Variants in PSMD3 observed in about 807,000 individuals in gnomAD.
The protein encoded by PSMD3 is proteasome 26S subunit, non-ATPase 3, also known as 26S proteasome non-ATPase regulatory subunit 3.
Under a neutral mutation model 62.8 loss-of-function variants are expected in PSMD3, and 5 were observed. The observed-to-expected ratio is 0.08, with a 90% confidence interval of 0.04 to 0.17. The LOEUF is 0.17. Ranked by LOEUF, PSMD3 falls within the 10% of genes least tolerant of loss-of-function variation. The pLI, the probability that PSMD3 is intolerant of heterozygous loss-of-function variation, is 1.00. For synonymous variants in PSMD3, 265 were observed against 283.9 expected, an observed-to-expected ratio of 0.93 and a Z score of 0.67; for missense variants, 524 against 713.6, an observed-to-expected ratio of 0.73 and a Z score of 3.03.
rs993184620 is a variant in PSMD3 at position 39,981,093 on chromosome 17, A to G, written c.123A>G (p.Ala41=). Residue 41 remains alanine (A), a synonymous_variant, in exon 1 of 12, where the codon GCA becomes GCG. Transcript: ENST00000264639. ...APQDVEMKEE[A]ATGGGSTGEA... is the part of the protein sequence containing the mutation. The stretch of plus-strand genomic sequence containing the variant: ...AGGATGTGGAGATGAAAGAGGAGGC[A>G]GCGACGGGTGGCGGGTCGACGGGGG... 20 of 1,550,556 alleles carry G rather than the reference A, an allele frequency of 1.3e-5. No individual in the cohort carries two copies. Among genetic ancestry groups the G allele is most frequent in the African/African-American group, 2.7e-5 (2 of 73,038 alleles).
At chr17:39,989,661 T>G in intron 4 of PSMD3, 78 bp from the exon 5 acceptor site, 1 of 1,367,532 alleles carries the variant, frequency 7.3e-7, no homozygotes, top group Non-Finnish European at 1.0e-6. Context: ...TTTAAGGAAT[T>G]GAGAAAGAGC....
At position 39,988,755 on chromosome 17, in the gene PSMD3, G is replaced by A. The variant is rs752964262; in HGVS notation, c.622G>A (p.Ala208Thr). 13 of 1,613,954 alleles carry A rather than the reference G, an allele frequency of 8.1e-6. No individual in the cohort carries two copies. Among genetic ancestry groups the A allele is most frequent in the Non-Finnish European group, 1.1e-5 (13 of 1,179,984 alleles). Reference sequence around the variant, plus strand: ...CCGCCGGGCCCTAGACCTTGTAGCCGCAAAGTGTTACTATTATCACGCCCG... The same window carrying A: ...CCGCCGGGCCCTAGACCTTGTAGCCACAAAGTGTTACTATTATCACGCCCG... ...QNRRALDLVA[A>T]KCYYYHARVY... is the part of the protein sequence containing the mutation. The change falls in exon 4 of 12, where the codon GCA becomes ACA. Residue 208 changes from alanine (A) to threonine (T), a missense_variant. Coordinates refer to ENST00000264639, the MANE Select transcript of PSMD3 (RefSeq NM_002809.4).
At chr17:39,992,190 A>G (rs1296184552) in intron 6 of PSMD3, among the ~76,000 whole-genome samples, 2 of 152,200 alleles carry the variant, frequency 1.3e-5, no homozygotes, top group Non-Finnish European at 2.9e-5. Context: ...AATACTAGTA[A>G]TTAACATATA....
chr17:39,983,190 G>T (rs1980429252), intron 1 of PSMD3, among the ~76,000 whole-genome samples: 1 of 151,912 alleles, frequency 6.6e-6, no homozygotes, highest in South Asian at 2.1e-4. Context: ...CCACCACCAC[G>T]CCCGGCTAAT....
At chr17:39,991,321 A>AT (rs1389289681) in intron 6 of PSMD3, among the ~76,000 whole-genome samples, 1 of 151,898 alleles carries the variant, frequency 6.6e-6, no homozygotes, top group East Asian at 1.9e-4. Flanking sequence ...CGCCCAGCTA[A>AT]TTTTTTGTAT....
Position 39,980,878 on chromosome 17 carries a change from T to C in PSMD3, c.-93T>C, listed in dbSNP as rs1034269397. ...GCGGCCCGACGCTATCTCGCGCTCGTGTGCAGGCCCGGCTCGGCTCCTGGT... is the reference window on the plus strand; with the variant it reads ...GCGGCCCGACGCTATCTCGCGCTCGCGTGCAGGCCCGGCTCGGCTCCTGGT... On this transcript the variant is annotated 5_prime_UTR_variant, in exon 1 of 12. Transcript: ENST00000264639. 8.7e-6 allele frequency: 10 copies of C among 1,144,450 alleles called. No individual in the cohort carries two copies. The highest frequency in any genetic ancestry group is 6.2e-5 in the Admixed American group (2 of 32,406). 70.9% of individuals were successfully genotyped at this position (1,144,450 alleles called of 1,614,324 possible). A position where few individuals can be genotyped will look rare whatever the true frequency, so the allele number is the denominator to read the frequency against.
At chr17:39,997,243 C>T (rs1980805249) in intron 10 of PSMD3, 87 bp from the exon 11 acceptor site, 18 of 1,330,384 alleles carry the variant, frequency 1.4e-5, no homozygotes, top group Non-Finnish European at 1.8e-5. Flanking sequence ...GTGTCTAGCT[C>T]ACAGAGGGGA....
Position 39,981,115 on chromosome 17 carries a change from G to C in PSMD3, c.145G>C (p.Gly49Arg), listed in dbSNP as rs1465903710. 1 of 1,550,738 alleles carries C rather than the reference G, an allele frequency of 6.4e-7. No homozygotes were observed. The highest frequency in any genetic ancestry group is 8.7e-7 in the Non-Finnish European group (1 of 1,146,672). Reference protein sequence around the residue: ...EEAATGGGSTGEADGKTAAAA... With the variant: ...EEAATGGGSTREADGKTAAAA... ...GGCAGCGACGGGTGGCGGGTCGACG[G>C]GGGAGGCAGACGGCAAGACGGCGGC... Residue 49 changes from glycine (G) to arginine (R), a missense_variant, in exon 1 of 12, where the codon GGG becomes CGG. Coordinates refer to ENST00000264639, the MANE Select transcript of PSMD3 (RefSeq NM_002809.4).
chr17:39,984,547 G>T, intron 2 of PSMD3, 63 bp downstream of exon 2: 1 of 1,451,124 alleles, frequency 6.9e-7, no homozygotes, highest in Non-Finnish European at 9.4e-7. Flanking sequence ...GAACAGCATT[G>T]TTTTCCATCC....
At chr17:39,984,673 CA>C (rs1980479116) in intron 2 of PSMD3, among the ~76,000 whole-genome samples, 189 bp downstream of exon 2, 1 of 152,152 alleles carries the variant, frequency 6.6e-6, no homozygotes, top group African/African-American at 2.4e-5. Context: ...TGTCATTCTT[CA>C]AAGTCAGGGG....
rs1373404057 is a variant in PSMD3, at chr17:39,981,106, G to T, written c.136G>T (p.Gly46Trp). The change falls in exon 1 of 12, where the codon GGG (glycine) becomes TGG (tryptophan). Residue 46 changes from glycine to tryptophan, a missense_variant. Gly to Trp is a radical substitution (Grantham distance 184). Transcript: ENST00000264639. ...EMKEEAATGG[G>W]STGEADGKTA... ...GAAAGAGGAGGCAGCGACGGGTGGC[G>T]GGTCGACGGGGGAGGCAGACGGCAA... 6.4e-7 allele frequency: 1 copy of T among 1,550,678 alleles called. No individual in the cohort carries two copies. Among genetic ancestry groups the T allele is most frequent in the Non-Finnish European group, 8.7e-7 (1 of 1,146,686 alleles).
Position 39,997,941 on chromosome 17 carries a change from T to C in PSMD3, c.*360T>C, listed in dbSNP as rs896401653. On this transcript the variant is annotated 3_prime_UTR_variant, in exon 12 of 12. Transcript: ENST00000264639. The stretch of plus-strand genomic sequence containing the variant: ...AGCTTCGATTATGATTTTTAAACAA[T>C]AAAAAGTTCTCCACAGTGCTTTGTG... 3.2e-6 allele frequency: 1 copy of C among 308,080 alleles called. No homozygotes were observed. The highest frequency in any genetic ancestry group is 6.3e-6 in the Non-Finnish European group (1 of 159,408). The allele number at this position is 308,080 out of a possible 1,614,324, so 19.1% of individuals were successfully genotyped here.
Position 39,997,595 on chromosome 17 carries a change from G to A in PSMD3, c.*14G>A. ...AGCTTCCCTTGAGCTGGGGGGCTGG[G>A]GAGGGGTAGGGGGAATGGGGACAGG... On this transcript the variant is annotated 3_prime_UTR_variant, in exon 12 of 12. Coordinates refer to ENST00000264639, the MANE Select transcript of PSMD3 (RefSeq NM_002809.4). The A allele has an allele frequency of 6.2e-7, 1 of 1,610,466 alleles. No individual in the cohort carries two copies. Among genetic ancestry groups the A allele is most frequent in the Non-Finnish European group, 8.5e-7 (1 of 1,177,312 alleles).
Position 39,997,801 on chromosome 17 carries a change from C to T in PSMD3, c.*220C>T, listed in dbSNP as rs1469048839. The T allele has an allele frequency of 1.3e-5, 8 of 599,104 alleles. No homozygotes were observed. The East Asian group carries it at 2.3e-4, about 17-fold the overall frequency. 37.1% of individuals were successfully genotyped at this position (599,104 alleles called of 1,614,324 possible). On this transcript the variant is annotated 3_prime_UTR_variant, in exon 12 of 12. Coordinates refer to ENST00000264639, the MANE Select transcript of PSMD3 (RefSeq NM_002809.4). ...AGGCAGGAGGGTGGGCAGGCAACCT[C>T]CCCGGGCAGGGTCCTGGCCAGCAGT...
At chr17:39,988,543 T>C in intron 3 of PSMD3, 140 bp from the exon 4 acceptor site, 5 of 984,792 alleles carry the variant, frequency 5.1e-6, no homozygotes, top group South Asian at 1.6e-5. Flanking sequence ...TGAACATTCG[T>C]GTACATGCTT....
chr17:39,997,711 T>A lies in PSMD3; in HGVS notation c.*130T>A. On this transcript the variant is annotated 3_prime_UTR_variant, in exon 12 of 12. Transcript: ENST00000264639. ...GCTGCATTCGTGCAGGGGGTGGGGG[T>A]GCTGGGAGCCAGCCACCCTGACCTC... 9.0e-7 allele frequency: 1 copy of A among 1,110,816 alleles called. No homozygotes were observed. The highest frequency in any genetic ancestry group is 1.3e-6 in the Non-Finnish European group (1 of 769,818). 68.8% of individuals were successfully genotyped at this position (1,110,816 alleles called of 1,614,324 possible). A position where few individuals can be genotyped will look rare whatever the true frequency, so the allele number is the denominator to read the frequency against.
Position 39,995,672 on chromosome 17 carries a change from A to T in PSMD3, c.1320+145A>T. ...CAGGGCGTGCCCGTCATTTGCAGTG[A>T]AGCCAAGAAGTTGCCAGAGAGAGCA... On this transcript the variant is annotated intron_variant, in intron 9 of 11. Transcript: ENST00000264639. This position sits in a 1 kb window ranked among gnomAD's most constrained non-coding sequence, Gnocchi z 4.1. The T allele has an allele frequency of 1.3e-6, 1 of 781,086 alleles. No individual in the cohort carries two copies. The highest frequency in any genetic ancestry group is 2.1e-6 in the Non-Finnish European group (1 of 469,636). The allele number at this position is 781,086 out of a possible 1,614,324, so 48.4% of individuals were successfully genotyped here. A position where few individuals can be genotyped will look rare whatever the true frequency, so the allele number is the denominator to read the frequency against.
At chr17:39,989,971 G>A (rs1450556886) in intron 5 of PSMD3, 42 bp downstream of exon 5, 1 of 1,596,484 alleles carries the variant, frequency 6.3e-7, no homozygotes, top group South Asian at 1.1e-5. Context: ...AGGTGTCTCA[G>A]GCCTGCCTGG....
chr17:39,988,573 C>T (rs1330359425), intron 3 of PSMD3, 110 bp from the exon 4 acceptor site: 8 of 1,267,008 alleles, frequency 6.3e-6, no homozygotes, highest in Admixed American at 2.3e-5. Context: ...CCTAAGTTTC[C>T]AGTTCTCTTG....
Sources: allele counts gnomAD v4.1 joint callset (sites outside exome capture counted in the v4.1 genomes callset), GRCh38; gene constraint gnomAD v4.1.1; non-coding constraint Gnocchi (gnomAD v3.1); transcripts MANE v1.5; gene names NCBI Gene and HGNC (gene_info 2026-07-23, HGNC 2026-07-21).